The following LARP1B variants were observed in gnomAD, a reference collection of about 807,000 sequenced individuals.
LARP1B encodes the protein la-related protein 1B.
LARP1B carries 76 observed loss-of-function variants against 114.2 expected under a neutral mutation model. The ratio of observed to expected loss-of-function variants is 0.67; its 90% CI spans 0.55 to 0.81. The LOEUF (loss-of-function observed/expected upper bound fraction) is 0.81, where lower values mean the gene tolerates loss of function less well. Among genes scored for constraint, LARP1B ranks in the 30% least tolerant of loss-of-function variants. The pLI, the probability that LARP1B is intolerant of heterozygous loss-of-function variation, is 0.00. For synonymous variants in LARP1B, 345 were observed against 348.0 expected (o/e 0.99, Z 0.10); for missense variants, 1,014 against 1,075.8 (o/e 0.94, Z 0.80).
At chr4:128,121,696 T>C (rs926190809) in intron 10 of LARP1B, 130 bp from the exon 11 acceptor site, 20 of 613,462 alleles carry the variant, frequency 3.3e-5, no homozygotes, top group Non-Finnish European at 5.2e-5. Flanking sequence ...GATTTTCTTT[T>C]ACAGTTTGGC....
downstream of LARP1B, among the ~76,000 whole-genome samples, chr4:128,214,436 C>T (rs1163749288): frequency 6.7e-6 from 1 of 150,216 alleles, no homozygotes; most frequent in Non-Finnish European, 1.5e-5. Flanking sequence ...GTGGTTCTCC[C>T]AGCACGCAGC....
chr4:128,159,733 A>T (rs1165059354), intron 11 of LARP1B, among the ~76,000 whole-genome samples: 1 of 152,180 alleles, frequency 6.6e-6, no homozygotes, highest in East Asian at 1.9e-4. Context: ...GCAGATGTAG[A>T]TCAACAGGAA....
At chr4:128,176,076 CTCTG>C (rs1317934457) in intron 12 of LARP1B, among the ~76,000 whole-genome samples, 6 of 146,800 alleles carry the variant, frequency 4.1e-5, no homozygotes, top group East Asian at 3.9e-4. Flanking sequence ...CTAGGATTGT[CTCTG>C]TCTCTCTCTC....
intron 15 of LARP1B, among the ~76,000 whole-genome samples, chr4:128,197,164 T>C (rs1754443656): frequency 6.6e-6 from 1 of 152,232 alleles, no homozygotes; most frequent in Non-Finnish European, 1.5e-5. Context: ...GCCTATTAAT[T>C]ATACACTTAT....
intron 9 of LARP1B, among the ~76,000 whole-genome samples, chr4:128,111,331 G>A (rs930720543): frequency 3.9e-5 from 6 of 152,066 alleles, no homozygotes; most frequent in Non-Finnish European, 8.8e-5. Context: ...ATAGGCATGA[G>A]CCACCAAGCC....
chr4:128,137,678 A>G (rs1580878214), intron 11 of LARP1B, among the ~76,000 whole-genome samples: 1 of 151,704 alleles, frequency 6.6e-6, no homozygotes, highest in South Asian at 2.1e-4. Flanking sequence ...TTATATATCT[A>G]TCACCTCAAA....
At chr4:128,067,976 G>T (rs2149314575) in intron 1 of LARP1B, among the ~76,000 whole-genome samples, 1 of 152,198 alleles carries the variant, frequency 6.6e-6, no homozygotes, top group South Asian at 2.1e-4. Flanking sequence ...CGCCTCCCGG[G>T]TTCACGCCAT....
chr4:128,193,555 C>G (rs1022691300), intron 15 of LARP1B, among the ~76,000 whole-genome samples: 2 of 151,904 alleles, frequency 1.3e-5, no homozygotes, highest in African/African-American at 4.8e-5. Context: ...TTGATAATAC[C>G]CATAGCTGTT....
At chr4:128,076,377 A>G (rs958355511) in intron 3 of LARP1B, among the ~76,000 whole-genome samples, 1 of 152,146 alleles carries the variant, frequency 6.6e-6, no homozygotes, top group African/African-American at 2.4e-5. Flanking sequence ...TATATGTGGA[A>G]GCATTGAGTA....
chr4:128,113,046 C>G (rs1219381245), intron 9 of LARP1B, among the ~76,000 whole-genome samples: 3 of 152,126 alleles, frequency 2.0e-5, no homozygotes, highest in Non-Finnish European at 4.4e-5. Flanking sequence ...TAATTTATTT[C>G]AGCTTTCTGC....
At chr4:128,188,890 G>T (rs1453317643) in intron 15 of LARP1B, among the ~76,000 whole-genome samples, 3 of 152,236 alleles carry the variant, frequency 2.0e-5, no homozygotes, top group South Asian at 2.1e-4. Flanking sequence ...TTTTAAATTT[G>T]TTGAGACATG....
At chr4:128,069,150 T>C in intron 1 of LARP1B, 1 of 1,107,614 alleles carries the variant, frequency 9.0e-7, no homozygotes, top group Non-Finnish European at 1.4e-6. Context: ...CCCATGCATC[T>C]TCCTATGCTT....
At chr4:128,199,812 A>G (rs1727341990) in intron 16 of LARP1B, among the ~76,000 whole-genome samples, 1 of 152,226 alleles carries the variant, frequency 6.6e-6, no homozygotes, top group South Asian at 2.1e-4. Flanking sequence ...TCGGCTGAGC[A>G]TGGTGGCTCA....
intron 4 of LARP1B, among the ~76,000 whole-genome samples, chr4:128,081,561 T>G (rs1027199047): frequency 6.6e-6 from 1 of 152,056 alleles, no homozygotes; most frequent in African/African-American, 2.4e-5. Flanking sequence ...GTGTTTGGGA[T>G]TTTTGGGCGG....
intron 5 of LARP1B, among the ~76,000 whole-genome samples, chr4:128,082,694 A>T (rs992838505): frequency 4.6e-5 from 7 of 152,020 alleles, no homozygotes; most frequent in African/African-American, 1.7e-4. Flanking sequence ...TTGTAGGATA[A>T]TCGTATTGTA....
chr4:128,174,128 A>T (rs1357416939), intron 12 of LARP1B, among the ~76,000 whole-genome samples: 2 of 152,170 alleles, frequency 1.3e-5, no homozygotes, highest in Non-Finnish European at 2.9e-5. Context: ...TCATAGAATG[A>T]GCATACTACA....
At chr4:128,136,423 G>A (rs1011276717) in intron 11 of LARP1B, among the ~76,000 whole-genome samples, 28 of 152,234 alleles carry the variant, frequency 1.8e-4, no homozygotes, top group African/African-American at 6.7e-4. Context: ...AGCATTACTA[G>A]TGTGAAAGTG....
intron 8 of LARP1B, among the ~76,000 whole-genome samples, chr4:128,104,589 C>T (rs1048473968): frequency 6.6e-6 from 1 of 152,022 alleles, no homozygotes; most frequent in Non-Finnish European, 1.5e-5. Context: ...GGATTACAGG[C>T]ACCCACCACC....
chr4:128,070,665 G>T (rs999218860), intron 1 of LARP1B, among the ~76,000 whole-genome samples: 4 of 151,528 alleles, frequency 2.6e-5, no homozygotes, highest in Non-Finnish European at 5.9e-5. Context: ...GTCTCAAAAA[G>T]AAAAAAGGCT....
Sources: allele counts gnomAD v4.1 joint callset (sites outside exome capture counted in the v4.1 genomes callset), GRCh38; gene constraint gnomAD v4.1.1; transcripts MANE v1.5; gene names NCBI Gene and HGNC (gene_info 2026-07-23, HGNC 2026-07-21).